Variants in FHIT observed in about 807,000 individuals in gnomAD.
FHIT encodes fragile histidine triad diadenosine triphosphatase.
In FHIT, 19 loss-of-function variants were observed where a neutral mutation model predicts 17.9. The observed-to-expected ratio is 1.06, with a 90% CI of 0.74 to 1.56. The LOEUF is 1.56. Among genes scored for constraint, FHIT ranks in the 40% most tolerant of loss-of-function variants. The probability of loss-of-function intolerance (pLI) is 0.00; values close to 1 mark genes in which losing one functional copy is unlikely to be tolerated. For missense variants in FHIT, 248 were observed against 189.2 expected (o/e 1.31, Z -1.82); for synonymous variants, 81 against 69.7 (o/e 1.16, Z -0.81).
chr3:59,864,378 T>C (rs1702540047), intron 8 of FHIT, among the ~76,000 whole-genome samples: 2 of 152,158 alleles, frequency 1.3e-5, no homozygotes, highest in East Asian at 1.9e-4. Flanking sequence ...GCTGCCACCA[T>C]GTAAGAAGTG....
intron 4 of FHIT, among the ~76,000 whole-genome samples, chr3:60,713,560 A>C (rs1165746993): frequency 6.6e-6 from 1 of 151,890 alleles, no homozygotes; most frequent in Non-Finnish European, 1.5e-5. Flanking sequence ...AAGAGAGAAG[A>C]ATCAAATAGA....
intron 5 of FHIT, among the ~76,000 whole-genome samples, chr3:60,152,298 C>T (rs1700501416): frequency 6.6e-6 from 1 of 152,192 alleles, no homozygotes; most frequent in African/African-American, 2.4e-5. Context: ...CATGTATGTA[C>T]ACACATAAAC....
At chr3:59,998,670 T>C (rs1438618390) in intron 7 of FHIT, among the ~76,000 whole-genome samples, 3 of 152,004 alleles carry the variant, frequency 2.0e-5, no homozygotes, top group African/African-American at 7.2e-5. Context: ...TCAGGTATAA[T>C]CCAATTATTC....
At chr3:61,135,264 C>T (rs2036882355) in intron 2 of FHIT, among the ~76,000 whole-genome samples, 1 of 152,150 alleles carries the variant, frequency 6.6e-6, no homozygotes, top group Non-Finnish European at 1.5e-5. Context: ...TGATTTTTGG[C>T]CTCTGCATAA....
chr3:61,114,409 A>G (rs1258095707), intron 2 of FHIT, among the ~76,000 whole-genome samples: 1 of 152,220 alleles, frequency 6.6e-6, no homozygotes, highest in Non-Finnish European at 1.5e-5. Flanking sequence ...CAGAAGCCCA[A>G]GCTTTAGGAT....
At chr3:60,302,595 T>G (rs903630342) in intron 5 of FHIT, among the ~76,000 whole-genome samples, 1 of 152,136 alleles carries the variant, frequency 6.6e-6, no homozygotes, top group Non-Finnish European at 1.5e-5. Flanking sequence ...CAAATATGGT[T>G]GATTAGTATA....
intron 2 of FHIT, among the ~76,000 whole-genome samples, chr3:61,166,792 T>C (rs2037852306): frequency 6.6e-6 from 1 of 152,226 alleles, no homozygotes; most frequent in Non-Finnish European, 1.5e-5. Context: ...TGCTAGGCAC[T>C]ATGTGAGGCA....
At chr3:61,180,934 A>T (rs1488213744) in intron 2 of FHIT, among the ~76,000 whole-genome samples, 1 of 152,222 alleles carries the variant, frequency 6.6e-6, no homozygotes, top group Non-Finnish European at 1.5e-5. Context: ...CCTTTAAATT[A>T]TCAATTTAAT....
At chr3:59,834,693 CA>C in intron 8 of FHIT, among the ~76,000 whole-genome samples, 1 of 152,262 alleles carries the variant, frequency 6.6e-6, no homozygotes, top group Middle Eastern at 3.4e-3. Flanking sequence ...GCCCTATCCT[CA>C]TGGCTTAATC....
At chr3:60,871,028 A>G (rs1704393904) in intron 3 of FHIT, among the ~76,000 whole-genome samples, 1 of 152,114 alleles carries the variant, frequency 6.6e-6, no homozygotes, top group African/African-American at 2.4e-5. Context: ...AGATGGCACA[A>G]TAGGAGCACT....
intron 2 of FHIT, among the ~76,000 whole-genome samples, chr3:61,109,094 A>G (rs2036078670): frequency 6.6e-6 from 1 of 152,176 alleles, no homozygotes; most frequent in African/African-American, 2.4e-5. Flanking sequence ...ATTTTATTGG[A>G]GGTAGGGAAT....
At chr3:60,012,354 G>A (rs1575882037) in intron 6 of FHIT, among the ~76,000 whole-genome samples, 1 of 139,154 alleles carries the variant, frequency 7.2e-6, no homozygotes, top group African/African-American at 2.7e-5. Flanking sequence ...CTGCACCCTT[G>A]ACCTCCTGGA....
chr3:60,818,407 T>G (rs2205350), intron 4 of FHIT, among the ~76,000 whole-genome samples: 129,105 of 152,062 alleles, frequency 0.85, 55,660 homozygotes, highest in East Asian at 0.95. Context: ...CAGGCAATTA[T>G]TTATACTCAA....
intron 7 of FHIT, among the ~76,000 whole-genome samples, chr3:59,999,252 A>C (rs1699635037): frequency 6.6e-6 from 1 of 152,132 alleles, no homozygotes; most frequent in African/African-American, 2.4e-5. Flanking sequence ...TTACTGTGAA[A>C]AACTAGCTGC....
chr3:60,067,811 G>C (rs149049319), intron 5 of FHIT, among the ~76,000 whole-genome samples: 79 of 152,294 alleles, frequency 5.2e-4, no homozygotes, highest in African/African-American at 1.9e-3. Context: ...AAACCAGCAC[G>C]TTCTTGTCGC....
At chr3:59,953,622 C>A (rs1707238908) in intron 7 of FHIT, among the ~76,000 whole-genome samples, 1 of 152,144 alleles carries the variant, frequency 6.6e-6, no homozygotes, top group Non-Finnish European at 1.5e-5. Flanking sequence ...GAGTATTGAG[C>A]TGCCATAGAT....
intron 5 of FHIT, among the ~76,000 whole-genome samples, chr3:60,224,648 A>G (rs1704107958): frequency 6.6e-6 from 1 of 151,900 alleles, no homozygotes; most frequent in African/African-American, 2.4e-5. Flanking sequence ...CCCAAACCAT[A>G]ATCTCCATGA....
At chr3:60,371,842 G>GGT (rs1491467010) in intron 5 of FHIT, among the ~76,000 whole-genome samples, 24 of 143,034 alleles carry the variant, frequency 1.7e-4, no homozygotes, top group Admixed American at 1.4e-3. Flanking sequence ...TTTTTGTGGG[G>GGT]TTTTTTTTTT....
chr3:59,863,744 T>TA (rs35283824), intron 8 of FHIT, among the ~76,000 whole-genome samples: 2 of 152,142 alleles, frequency 1.3e-5, no homozygotes, highest in African/African-American at 4.8e-5. Context: ...TTATAAAGGA[T>TA]AAAAAAAGGT....
Sources: gnomAD v4.1 joint callset for allele counts (sites outside exome capture counted in the v4.1 genomes callset) on GRCh38, gnomAD v4.1.1 for gene constraint, MANE v1.5 for transcripts, NCBI Gene and HGNC (gene_info 2026-07-23, HGNC 2026-07-21) for gene names.